Variants in VPS53 observed in about 807,000 individuals in gnomAD.
The protein encoded by VPS53 is VPS53 subunit of GARP complex.
A neutral mutation model predicts 107.0 loss-of-function variants in VPS53; 70 were observed. The observed-to-expected ratio is 0.65, with a 90% CI of 0.54 to 0.80. VPS53 has a LOEUF of 0.80. VPS53 is among the 30% of genes least tolerant of loss of function. The probability of loss-of-function intolerance (pLI) is 0.00; values close to 1 mark genes in which losing one functional copy is unlikely to be tolerated. For synonymous variants in VPS53, 409 were observed against 393.3 expected, an observed-to-expected ratio of 1.04 and a Z score of -0.47; for missense variants, 917 against 1,049.4, an observed-to-expected ratio of 0.87 and a Z score of 1.74.
In VPS53 at chr17:576,048, G is replaced by A. The variant is rs1176233570; in HGVS notation, c.1313+10222C>T. On this transcript the variant is annotated intron_variant, in intron 13 of 21. Coordinates refer to ENST00000437048, the MANE Select transcript of VPS53 (RefSeq NM_001128159.3). ...GAAAACCTCCCTCACAACCTAACGC[G>A]TTCTCAGAGAACTTCACTCAGGACC... Among the ~76,000 whole-genome samples the A allele has an allele frequency of 4.1e-5, 6 of 146,616 alleles. No homozygotes were observed. The South Asian group carries it at 6.6e-4, about 16-fold the overall frequency.
At chr17:708,625 G>A (rs1170232442) in intron 2 of VPS53, among the ~76,000 whole-genome samples, 1 of 152,010 alleles carries the variant, frequency 6.6e-6, no homozygotes, top group African/African-American at 2.4e-5. Flanking sequence ...AACTCCCCCA[G>A]GGAAAGGGAG....
At chr17:658,653 G>C (rs435104) in intron 5 of VPS53, among the ~76,000 whole-genome samples, 11,099 of 113,582 alleles carry the variant, frequency 0.098, 2,781 homozygotes, top group Non-Finnish European at 0.16. Context: ...ATACTCGGCC[G>C]TGAGTTCGTG....
chr17:545,239 C>A (rs1227897848), intron 17 of VPS53, among the ~76,000 whole-genome samples: 3 of 152,210 alleles, frequency 2.0e-5, no homozygotes, highest in Non-Finnish European at 4.4e-5. Context: ...GCCTGGCCTG[C>A]AGAAGGCTGC....
At chr17:684,784 G>A (rs138067085) in intron 4 of VPS53, among the ~76,000 whole-genome samples, 66 of 152,076 alleles carry the variant, frequency 4.3e-4, no homozygotes, top group African/African-American at 1.3e-3. Flanking sequence ...TCAGGAGTTC[G>A]AGACCAGCCT....
At chr17:651,161 G>A (rs749485444) in intron 7 of VPS53, among the ~76,000 whole-genome samples, 18 of 152,118 alleles carry the variant, frequency 1.2e-4, no homozygotes, top group African/African-American at 3.9e-4. Flanking sequence ...AATCCGGAGC[G>A]ATAGCCATTA....
rs758109987 is a variant in VPS53 at position 653,383 on chromosome 17, T to C, written c.516A>G (p.Gly172=). ...CACCCTGAAGGAGATTAGCAACTTC[T>C]CCGTATTGTCTTCGCCTGGTCATGG... ...LEAMTRRRQY[G]EVANLLQGVM... Residue 172 remains glycine, a synonymous_variant, in exon 7 of 22, where the codon GGA becomes GGG. Transcript: ENST00000437048. 15 of 1,614,122 alleles carry C rather than the reference T, an allele frequency of 9.3e-6. No homozygotes were observed. In the South Asian group the frequency reaches 1.6e-4, roughly 18 times the overall value.
chr17:685,983 G>GA (rs1315983483), intron 4 of VPS53, among the ~76,000 whole-genome samples: 3 of 151,834 alleles, frequency 2.0e-5, no homozygotes, highest in Non-Finnish European at 2.9e-5. Context: ...CAGCCTGGAT[G>GA]ACCCTGGAGC....
intron 14 of VPS53, 28 bp from the exon 15 acceptor site, chr17:560,601 G>A: frequency 6.2e-7 from 1 of 1,600,818 alleles, no homozygotes; most frequent in East Asian, 2.2e-5. Context: ...GAACAAGTCA[G>A]CATGGAATTT....
chr17:668,526 A>C (rs568517564), intron 4 of VPS53, among the ~76,000 whole-genome samples: 118 of 152,320 alleles, frequency 7.7e-4, no homozygotes, highest in Non-Finnish European at 1.5e-3. Flanking sequence ...AAGATGCTAC[A>C]TGGGATCAGT....
intron 7 of VPS53, among the ~76,000 whole-genome samples, chr17:650,674 C>A (rs1970908457): frequency 6.6e-6 from 1 of 152,136 alleles, no homozygotes; most frequent in Non-Finnish European, 1.5e-5. Context: ...TAAAGCTTTG[C>A]TGGAGGGCAA....
intron 13 of VPS53, among the ~76,000 whole-genome samples, chr17:563,325 T>C (rs552647112): frequency 6.2e-4 from 92 of 149,192 alleles, no homozygotes; most frequent in Middle Eastern, 3.4e-3. Flanking sequence ...GACAGAGTCT[T>C]GCTCTGTTGG....
At chr17:713,521 C>T (rs1425557073) in intron 1 of VPS53, among the ~76,000 whole-genome samples, 1 of 150,360 alleles carries the variant, frequency 6.7e-6, no homozygotes, top group Non-Finnish European at 1.5e-5. Flanking sequence ...GGCATGGTAG[C>T]GGTTGCCTGT....
chr17:549,872 A>G (rs1911664586), intron 17 of VPS53, among the ~76,000 whole-genome samples: 2 of 152,254 alleles, frequency 1.3e-5, no homozygotes, highest in Admixed American at 6.5e-5. Context: ...CTTTTTGAAT[A>G]AAACTGTGAC....
chr17:643,543 A>AAACCGAGGACAACACTCATACTTGGC (rs1970542981), intron 7 of VPS53, among the ~76,000 whole-genome samples: 1 of 24,312 alleles, frequency 4.1e-5, no homozygotes, highest in African/African-American at 1.6e-4. Flanking sequence ...TCATACTTGG[A>AAACCGAGGACAACACTCATACTTGGC]AACCGAGGAC....
At chr17:574,150 T>A (rs1419917607) in intron 13 of VPS53, among the ~76,000 whole-genome samples, 5 of 152,194 alleles carry the variant, frequency 3.3e-5, no homozygotes, top group Non-Finnish European at 1.5e-5. Context: ...TTTTCTACTT[T>A]GAGTTACAGT....
chr17:590,656 T>C (rs1208116068), intron 12 of VPS53, among the ~76,000 whole-genome samples: 1 of 152,042 alleles, frequency 6.6e-6, no homozygotes, highest in Non-Finnish European at 1.5e-5. Context: ...TTGTCTTTGG[T>C]TCTGTTTATG....
intron 11 of VPS53, among the ~76,000 whole-genome samples, chr17:614,796 C>G (rs1366541265): frequency 6.6e-6 from 1 of 152,188 alleles, no homozygotes; most frequent in Non-Finnish European, 1.5e-5. Context: ...TAGCTTCTAT[C>G]TTTAGAATGT....
chr17:692,670 T>C (rs1972816438), intron 4 of VPS53, among the ~76,000 whole-genome samples: 1 of 152,216 alleles, frequency 6.6e-6, no homozygotes, highest in African/African-American at 2.4e-5. Flanking sequence ...TAAGACACCA[T>C]GAATGTGAAG....
intron 4 of VPS53, among the ~76,000 whole-genome samples, chr17:689,327 G>A (rs1461744539): frequency 6.6e-6 from 1 of 152,078 alleles, no homozygotes; most frequent in Non-Finnish European, 1.5e-5. Context: ...CTTTTCACTT[G>A]AGACAGGGTC....
Sources: gnomAD v4.1 joint callset for allele counts (sites outside exome capture counted in the v4.1 genomes callset) on GRCh38, gnomAD v4.1.1 for gene constraint, MANE v1.5 for transcripts, NCBI Gene and HGNC (gene_info 2026-07-23, HGNC 2026-07-21) for gene names.